The following FANCB variants were observed in gnomAD, a reference collection of about 807,000 sequenced individuals.
FANCB encodes FA complementation group B, also known as Fanconi anemia group B protein.
A neutral mutation model predicts 38.9 loss-of-function variants in FANCB; 5 were observed. The ratio of observed to expected loss-of-function variants is 0.13; its 90% CI spans 0.07 to 0.27. The LOEUF (loss-of-function observed/expected upper bound fraction) is 0.27, where lower values mean the gene tolerates loss of function less well. FANCB is among the 10% of genes least tolerant of loss of function. FANCB has a pLI of 1.00. For synonymous variants in FANCB, 236 were observed against 215.4 expected (o/e 1.10, Z -0.84); for missense variants, 573 against 602.7 (o/e 0.95, Z 0.52).
chrX:14,862,637 T>C (rs1301750529), intron 3 of FANCB, among the ~76,000 whole-genome samples: 1 of 112,075 alleles, frequency 8.9e-6, no homozygotes, highest in East Asian at 2.8e-4. Context: ...ATGACAGCCC[T>C]GGCTTTTGTC....
chrX:14,855,466 C>T (rs536921428), intron 5 of FANCB, among the ~76,000 whole-genome samples: 2 of 112,040 alleles, frequency 1.8e-5, no homozygotes, highest in East Asian at 5.6e-4. Flanking sequence ...TCCTCCCTTC[C>T]TTCCCTTAAT....
chrX:14,749,865 G>A, the FANCB span, among the ~76,000 whole-genome samples: 221 of 112,205 alleles, frequency 2.0e-3, 1 homozygote, highest in Non-Finnish European at 3.0e-3. Context: ...CAAAGCTTCT[G>A]TGAAGGTTGA....
At chrX:14,737,254 A>C in the FANCB span, among the ~76,000 whole-genome samples, 1 of 111,896 alleles carries the variant, frequency 8.9e-6, no homozygotes, top group African/African-American at 3.2e-5. Flanking sequence ...TAACTTTGTC[A>C]ACAATGGAGT....
At chrX:14,801,039 G>A in the FANCB span, among the ~76,000 whole-genome samples, 259 of 85,777 alleles carry the variant, frequency 3.0e-3, no homozygotes, top group Non-Finnish European at 3.9e-3. Flanking sequence ...AGAAATTACC[G>A]AAGCAGAAGC....
downstream of FANCB, among the ~76,000 whole-genome samples, chrX:14,838,847 C>G (rs893363453): frequency 4.5e-5 from 5 of 112,264 alleles, no homozygotes; most frequent in East Asian, 1.4e-3. Flanking sequence ...TTTTATATAG[C>G]AATACTATTG....
chrX:14,713,800 A>C, the FANCB span, among the ~76,000 whole-genome samples: 46 of 111,512 alleles, frequency 4.1e-4, no homozygotes, highest in East Asian at 0.012. Flanking sequence ...TTAAGGTCTG[A>C]GAGGTAAAGG....
intron 1 of FANCB, among the ~76,000 whole-genome samples, chrX:14,871,642 A>G (rs182452083): frequency 7.0e-4 from 77 of 109,286 alleles, no homozygotes; most frequent in East Asian, 2.0e-3. Flanking sequence ...GTGTGTGTGT[A>G]TATATATATA....
chrX:14,797,690 AAAG>A, the FANCB span, among the ~76,000 whole-genome samples: 1 of 101,930 alleles, frequency 9.8e-6, no homozygotes, highest in Non-Finnish European at 1.9e-5. Flanking sequence ...AAAAAAAAAA[AAAG>A]AGAGAGAGAG....
At chrX:14,773,216 G>T in the FANCB span, among the ~76,000 whole-genome samples, 1 of 112,528 alleles carries the variant, frequency 8.9e-6, no homozygotes, top group South Asian at 3.6e-4. Context: ...AAAGGTGTTT[G>T]TGAACAACAG....
At chrX:14,744,285 ATAG>A in the FANCB span, among the ~76,000 whole-genome samples, 2 of 112,274 alleles carry the variant, frequency 1.8e-5, no homozygotes, top group South Asian at 7.3e-4. Flanking sequence ...AATGTTTAAA[ATAG>A]TACCTATTTC....
chrX:14,717,225 G>A, the FANCB span, among the ~76,000 whole-genome samples: 2 of 109,786 alleles, frequency 1.8e-5, no homozygotes, highest in African/African-American at 6.6e-5. Context: ...GGAGGGCCTG[G>A]GTACAGAGAG....
At chrX:14,860,282 C>A (rs963083050) in intron 3 of FANCB, among the ~76,000 whole-genome samples, 9 of 112,113 alleles carry the variant, frequency 8.0e-5, no homozygotes, top group Admixed American at 6.6e-4. Flanking sequence ...CCCACATACC[C>A]AAATATGAAT....
the FANCB span, among the ~76,000 whole-genome samples, chrX:14,723,806 G>A: frequency 8.9e-6 from 1 of 111,833 alleles, no homozygotes; most frequent in Non-Finnish European, 1.9e-5. Flanking sequence ...TCTCTTATCT[G>A]TCAGATTAGA....
downstream of FANCB, among the ~76,000 whole-genome samples, chrX:14,840,165 T>A (rs1243427583): frequency 8.9e-6 from 1 of 112,153 alleles, no homozygotes; most frequent in East Asian, 2.8e-4. Flanking sequence ...CCAAGGAATT[T>A]TTTTTTTAGT....
the FANCB span, among the ~76,000 whole-genome samples, chrX:14,712,384 C>T: frequency 8.9e-6 from 1 of 111,886 alleles, no homozygotes; most frequent in Non-Finnish European, 1.9e-5. Context: ...AGTTGAGAAT[C>T]ACTCGTCTAC....
At chrX:14,786,523 C>T in the FANCB span, among the ~76,000 whole-genome samples, 2 of 110,836 alleles carry the variant, frequency 1.8e-5, no homozygotes, top group Non-Finnish European at 3.8e-5. Context: ...TGAATGAACG[C>T]CCCAAAAGGA....
the FANCB span, among the ~76,000 whole-genome samples, chrX:14,749,408 C>G: frequency 3.0e-3 from 336 of 110,735 alleles, no homozygotes; most frequent in African/African-American, 0.01. Flanking sequence ...ATGCCAAAAC[C>G]CTTACCTGGA....
At chrX:14,691,967 C>G in the FANCB span, among the ~76,000 whole-genome samples, 1 of 112,011 alleles carries the variant, frequency 8.9e-6, no homozygotes, top group East Asian at 2.8e-4. Context: ...GGAATGAAAA[C>G]AAAAATATTT....
chrX:14,772,558 T>C, the FANCB span, among the ~76,000 whole-genome samples: 2 of 112,456 alleles, frequency 1.8e-5, no homozygotes, highest in Middle Eastern at 4.2e-3. Context: ...CAGCTGCTGT[T>C]GGACGGCTGG....
Sources: gnomAD v4.1 joint callset for allele counts (sites outside exome capture counted in the v4.1 genomes callset) on GRCh38, gnomAD v4.1.1 for gene constraint, MANE v1.5 for transcripts, NCBI Gene and HGNC (gene_info 2026-07-23, HGNC 2026-07-21) for gene names.